NOL4: variants seen among roughly 807,000 people sequenced by gnomAD.
NOL4 encodes nucleolar protein 4.
NOL4 carries 17 observed loss-of-function variants against 75.9 expected under a neutral mutation model. The observed-to-expected ratio is 0.22, with a 90% confidence interval of 0.15 to 0.34. The LOEUF (loss-of-function observed/expected upper bound fraction) is 0.34. NOL4 is among the 10% of genes least tolerant of loss of function. NOL4 has a pLI of 1.00. For missense variants in NOL4, 614 were observed against 793.5 expected (o/e 0.77, Z 2.72); for synonymous variants, 292 against 289.9 (o/e 1.01, Z -0.07).
At chr18:34,003,966 C>A (rs1051146756) in intron 6 of NOL4, among the ~76,000 whole-genome samples, 1 of 152,034 alleles carries the variant, frequency 6.6e-6, no homozygotes, top group African/African-American at 2.4e-5. Context: ...AAGACAGATT[C>A]TTTAAGTCTG....
intron 10 of NOL4, among the ~76,000 whole-genome samples, chr18:33,856,073 G>A (rs185360720): frequency 1.6e-4 from 25 of 152,044 alleles, no homozygotes; most frequent in South Asian, 6.2e-4. Flanking sequence ...GCCCATAAAC[G>A]CAGGCACGCT....
intron 5 of NOL4, among the ~76,000 whole-genome samples, chr18:34,082,400 C>G (rs1326567800): frequency 2.6e-5 from 4 of 152,036 alleles, no homozygotes; most frequent in Admixed American, 2.6e-4. Flanking sequence ...TCAAATGGCT[C>G]TAGTAAAAAC....
intron 6 of NOL4, among the ~76,000 whole-genome samples, chr18:34,008,253 C>A (rs1053084352): frequency 1.3e-5 from 2 of 151,986 alleles, no homozygotes; most frequent in African/African-American, 4.8e-5. Flanking sequence ...CAGGCTTACA[C>A]TGGACCTATA....
At chr18:33,942,881 TTTGAC>T (rs1488140848) in intron 9 of NOL4, among the ~76,000 whole-genome samples, 179 bp downstream of exon 9, 3 of 151,986 alleles carry the variant, frequency 2.0e-5, no homozygotes, top group Admixed American at 2.0e-4. Context: ...CATTTTGTTC[TTTGAC>T]CTTCATTGAT....
intron 1 of NOL4, among the ~76,000 whole-genome samples, chr18:34,164,076 A>G (rs140000974): frequency 0.034 from 5,208 of 152,304 alleles, 91 homozygotes; most frequent in Middle Eastern, 0.048. Flanking sequence ...CTTACACCTT[A>G]TACAAAAATT....
At chr18:34,116,830 T>G (rs549788882) in intron 2 of NOL4, among the ~76,000 whole-genome samples, 1 of 152,270 alleles carries the variant, frequency 6.6e-6, no homozygotes, top group East Asian at 1.9e-4. Context: ...GGAAAATAAT[T>G]TTAAAACATG....
chr18:34,191,745 G>A (rs1360175770), intron 1 of NOL4, among the ~76,000 whole-genome samples: 2 of 152,088 alleles, frequency 1.3e-5, no homozygotes, highest in Admixed American at 1.3e-4. Context: ...CTAGCTTCCA[G>A]GGAAGCTGGA....
At chr18:33,861,899 C>T (rs2063155617) in intron 10 of NOL4, among the ~76,000 whole-genome samples, 1 of 152,050 alleles carries the variant, frequency 6.6e-6, no homozygotes, top group Admixed American at 6.6e-5. Flanking sequence ...TGACTTTCTT[C>T]ACAGAATTGG....
chr18:34,109,936 A>T (rs1235372996), intron 2 of NOL4, among the ~76,000 whole-genome samples: 1 of 151,978 alleles, frequency 6.6e-6, no homozygotes, highest in Admixed American at 6.6e-5. Context: ...AATGTGCAGC[A>T]TACCAAGACT....
In NOL4 at chr18:34,213,282, A is replaced by C. The variant is rs181074344; in HGVS notation, c.264+9708T>G. Among the ~76,000 whole-genome samples the C allele has an allele frequency of 3.4e-3, 517 of 152,118 alleles. 5 individuals are homozygous for C. The highest frequency in any genetic ancestry group is 0.012 in the African/African-American group (508 of 41,494). On this transcript the variant is annotated intron_variant, in intron 1 of 10. Transcript: ENST00000261592. The stretch of plus-strand genomic sequence containing the variant: ...GGTCCTGAGGGCTCTGTTCTTATTT[A>C]CTTATTTATTTTTATTTTTTCTTTT...
chr18:33,999,677 G>T (rs1240560915), intron 6 of NOL4, among the ~76,000 whole-genome samples: 1 of 151,876 alleles, frequency 6.6e-6, no homozygotes, highest in African/African-American at 2.4e-5. Flanking sequence ...TTCCCTGAGA[G>T]AGTCTTGCTC....
chr18:34,190,725 T>A (rs1383610010), intron 1 of NOL4, among the ~76,000 whole-genome samples: 1 of 151,546 alleles, frequency 6.6e-6, no homozygotes, highest in South Asian at 2.1e-4. Flanking sequence ...AATTAATATT[T>A]AAATATACAC....
chr18:34,095,578 T>C (rs1180998296), intron 4 of NOL4, among the ~76,000 whole-genome samples: 1 of 152,088 alleles, frequency 6.6e-6, no homozygotes, highest in Non-Finnish European at 1.5e-5. Context: ...ATCTATACAA[T>C]GGAAATAAAA....
chr18:34,097,758 CT>C (rs781276609), intron 4 of NOL4, among the ~76,000 whole-genome samples: 10 of 152,136 alleles, frequency 6.6e-5, no homozygotes, highest in Non-Finnish European at 1.5e-4. Flanking sequence ...CAGTCATTCA[CT>C]ACTAGCAATA....
intron 5 of NOL4, among the ~76,000 whole-genome samples, chr18:34,068,990 T>C (rs1023360342): frequency 1.3e-5 from 2 of 151,922 alleles, no homozygotes; most frequent in Non-Finnish European, 2.9e-5. Flanking sequence ...CAGAATACAA[T>C]AAAACTCTAA....
intron 2 of NOL4, among the ~76,000 whole-genome samples, chr18:34,113,596 T>C (rs2079710994): frequency 1.3e-5 from 2 of 152,088 alleles, no homozygotes; most frequent in South Asian, 4.1e-4. Context: ...ATTATTATGC[T>C]ACTGCACTCC....
intron 9 of NOL4, among the ~76,000 whole-genome samples, chr18:33,893,445 G>A (rs948318583): frequency 2.0e-5 from 3 of 152,128 alleles, no homozygotes; most frequent in African/African-American, 7.2e-5. Flanking sequence ...AGATGCCTAA[G>A]AAATGCTTTA....
At chr18:33,894,244 C>T (rs2065267720) in intron 9 of NOL4, among the ~76,000 whole-genome samples, 2 of 151,970 alleles carry the variant, frequency 1.3e-5, no homozygotes, top group Admixed American at 1.3e-4. Flanking sequence ...TGCTTTTCTG[C>T]TAAGAAAAAC....
intron 5 of NOL4, among the ~76,000 whole-genome samples, chr18:34,075,775 C>A (rs930356136): frequency 6.6e-6 from 1 of 152,162 alleles, no homozygotes. Context: ...ACTGTTACAG[C>A]TGGAAGACGA....
Sources: gnomAD v4.1 joint callset for allele counts (sites outside exome capture counted in the v4.1 genomes callset) on GRCh38, gnomAD v4.1.1 for gene constraint, MANE v1.5 for transcripts, NCBI Gene and HGNC (gene_info 2026-07-23, HGNC 2026-07-21) for gene names.